Variants in ARFIP2 observed in about 807,000 individuals in gnomAD.
The protein encoded by ARFIP2 is ARF interacting protein 2, also known as arfaptin-2.
ARFIP2 carries 14 observed loss-of-function variants against 39.2 expected under a neutral mutation model. That is an observed-to-expected ratio of 0.36 (90% CI 0.24 to 0.56). ARFIP2 has a LOEUF of 0.56. Among genes scored for constraint, ARFIP2 ranks in the 20% least tolerant of loss-of-function variants. The probability of loss-of-function intolerance (pLI) is 0.85; values close to 1 mark genes in which losing one functional copy is unlikely to be tolerated. For synonymous variants in ARFIP2, 167 were observed against 172.4 expected, an observed-to-expected ratio of 0.97 and a Z score of 0.24; for missense variants, 305 against 422.5, an observed-to-expected ratio of 0.72 and a Z score of 2.44.
chr11:6,477,306 G>A lies in ARFIP2; in HGVS notation c.871-38C>T, dbSNP rs571039502. On this transcript the variant is annotated intron_variant, in intron 7 of 7. Coordinates refer to ENST00000396777, the MANE Select transcript of ARFIP2 (RefSeq NM_001376558.2). This position sits in a 1 kb window ranked among gnomAD's most constrained non-coding sequence, Gnocchi z 4.8. ...CAGGGTCAGCTAAGGCTGGACTCAGGCGCCCTTCTTGAGGGTCTATGAGCC... is the reference window on the plus strand; with the variant it reads ...CAGGGTCAGCTAAGGCTGGACTCAGACGCCCTTCTTGAGGGTCTATGAGCC... 1 of 1,598,082 alleles carries A rather than the reference G, an allele frequency of 6.3e-7. No individual in the cohort carries two copies. Among genetic ancestry groups the A allele is most frequent in the African/African-American group, 1.3e-5 (1 of 74,774 alleles).
In ARFIP2 at chr11:6,480,436, T is replaced by C. The variant is rs1040014954; in HGVS notation, c.-15A>G. 6.2e-6 allele frequency: 10 copies of C among 1,600,486 alleles called. No individual in the cohort carries two copies. The Admixed American group carries it at 8.6e-5, about 14-fold the overall frequency. On this transcript the variant is annotated 5_prime_UTR_variant, in exon 2 of 8. Transcript: ENST00000396777. ...CCGTCCGTCATGGCTAGGAAAGGTA[T>C]TGGAGTAAAACTCTCCACCCCAGCA... is the stretch of plus-strand genomic sequence containing the variant.
rs779724167 is a variant in ARFIP2 at position 6,480,413 on chromosome 11, G to A, written c.9C>T (p.Asp3=). The stretch of plus-strand genomic sequence containing the variant: ...TTGTGGCTGCCTTCCCTAGGATCCC[G>A]TCCGTCATGGCTAGGAAAGGTATTG... MT[D]GILGKAATME... is the part of the protein sequence containing the mutation. Residue 3 remains aspartate (D), a synonymous_variant, in exon 2 of 8, where the codon GAC becomes GAT. Transcript: ENST00000396777. The A allele has an allele frequency of 6.8e-6, 11 of 1,611,038 alleles. No individual in the cohort carries two copies. Among genetic ancestry groups the A allele is most frequent in the South Asian group, 1.1e-5 (1 of 90,562 alleles).
Position 6,477,694 on chromosome 11 carries a change from G to A in ARFIP2, c.870+24C>T, listed in dbSNP as rs1564983399. 18 of 1,609,510 alleles carry A rather than the reference G, an allele frequency of 1.1e-5. No individual in the cohort carries two copies. Among genetic ancestry groups the A allele is most frequent in the Non-Finnish European group, 1.5e-5 (18 of 1,177,128 alleles). On this transcript the variant is annotated intron_variant, in intron 7 of 7. Transcript: ENST00000396777. This position sits in a 1 kb window ranked among gnomAD's most constrained non-coding sequence, Gnocchi z 4.8. Reference sequence around the variant, plus strand: ...GTGTTACAGATGGAAAGGTGGGCTAGGGTCAAGGGGGTGGGGTTGGCACCT... The same window carrying A: ...GTGTTACAGATGGAAAGGTGGGCTAAGGTCAAGGGGGTGGGGTTGGCACCT...
In ARFIP2 at chr11:6,478,241, A is replaced by G; in HGVS notation, c.538-43T>C. ...GAACAGACCTTGAATAACACTCCCT[A>G]CCTGACTGAAGCTGTAGAGCCCTTC... On this transcript the variant is annotated intron_variant, in intron 5 of 7. Coordinates refer to ENST00000396777, the MANE Select transcript of ARFIP2 (RefSeq NM_001376558.2). This position sits in a 1 kb window ranked among gnomAD's most constrained non-coding sequence, Gnocchi z 4.8. The G allele has an allele frequency of 1.9e-6, 3 of 1,608,852 alleles. No homozygotes were observed. Among genetic ancestry groups the G allele is most frequent in the Non-Finnish European group, 2.6e-6 (3 of 1,176,364 alleles).
intron 3 of ARFIP2, 164 bp downstream of exon 3, chr11:6,479,808 G>A (rs911755529): frequency 8.7e-6 from 6 of 689,902 alleles, no homozygotes; most frequent in Admixed American, 2.7e-5. Context: ...GATGGACAAC[G>A]CTGGGAGTTG....
In ARFIP2 at chr11:6,477,167, G is replaced by A. The variant is rs370684963; in HGVS notation, c.972C>T (p.Asn324=). 13 of 1,612,230 alleles carry A rather than the reference G, an allele frequency of 8.1e-6. No individual in the cohort carries two copies. In the African/African-American group the frequency reaches 1.3e-4, roughly 17 times the overall value. ...KQLEQTLQQF[N]IKLRPPGAEK... ...CAGCTCCTGGAGGCCGCAGCTTGAT[G>A]TTGAACTGCTGCAGGGTCTGCTCCA... is the stretch of plus-strand genomic sequence containing the variant. The change falls in exon 8 of 8, where the codon AAC becomes AAT. Residue 324 remains asparagine, a synonymous_variant. Coordinates refer to ENST00000396777, the MANE Select transcript of ARFIP2 (RefSeq NM_001376558.2). The surrounding 1 kb of genome is among the most constrained non-coding windows in gnomAD (Gnocchi z 4.8).
In ARFIP2 at chr11:6,478,334, G is replaced by A. The variant is rs1349549526; in HGVS notation, c.538-136C>T. Reference sequence around the variant, plus strand: ...ACAACCAAGGACTGCCTCCAGCAAGGCTCTCTTAGCCGGAAAGTTAGTGGG... The same window carrying A: ...ACAACCAAGGACTGCCTCCAGCAAGACTCTCTTAGCCGGAAAGTTAGTGGG... On this transcript the variant is annotated intron_variant, in intron 5 of 7. Transcript: ENST00000396777. This position sits in a 1 kb window ranked among gnomAD's most constrained non-coding sequence, Gnocchi z 4.8. 2.5e-6 allele frequency: 3 copies of A among 1,182,270 alleles called. No individual in the cohort carries two copies. Among genetic ancestry groups the A allele is most frequent in the Non-Finnish European group, 3.6e-6 (3 of 837,444 alleles). The allele number at this position is 1,182,270 out of a possible 1,614,324, so 73.2% of individuals were successfully genotyped here.
Position 6,479,230 on chromosome 11 carries a change from G to C in ARFIP2, c.225C>G (p.Thr75=). 1 of 1,614,142 alleles carries C rather than the reference G, an allele frequency of 6.2e-7. No individual in the cohort carries two copies. Among genetic ancestry groups the C allele is most frequent in the Non-Finnish European group, 8.5e-7 (1 of 1,180,038 alleles). Residue 75 remains threonine (T), a synonymous_variant, in exon 4 of 8, where the codon ACC becomes ACG. Transcript: ENST00000396777. ...TGSGRHPSHS[T]TPSGPGDEVA... is the part of the protein sequence containing the mutation. ...CCTCATCTCCAGGGCCAGAAGGAGT[G>C]GTGCTGTGAGATGGATGGCGGCCAG...
rs747887941 is a variant in ARFIP2 at position 6,478,127 on chromosome 11, C to T, written c.609G>A (p.Val203=). ...CKNGETLLGA[V]NFFVSSINTL... ...TGTTGATGCTAGAGACAAAGAAGTTCACGGCTCCTAGCAGCGTTTCCCCAT... is the reference window on the plus strand; with the variant it reads ...TGTTGATGCTAGAGACAAAGAAGTTTACGGCTCCTAGCAGCGTTTCCCCAT... Residue 203 remains valine, a synonymous_variant, in exon 6 of 8, where the codon GTG becomes GTA. Coordinates refer to ENST00000396777, the MANE Select transcript of ARFIP2 (RefSeq NM_001376558.2). This position sits in a 1 kb window ranked among gnomAD's most constrained non-coding sequence, Gnocchi z 4.8. 26 of 1,614,082 alleles carry T rather than the reference C, an allele frequency of 1.6e-5. No homozygotes were observed. The South Asian group carries it at 2.5e-4, about 16-fold the overall frequency.
chr11:6,479,076 C>T (rs1021154893), intron 4 of ARFIP2, 64 bp downstream of exon 4: 26 of 1,588,258 alleles, frequency 1.6e-5, no homozygotes, highest in African/African-American at 2.7e-5. Flanking sequence ...ATTACGATCA[C>T]GAAGAAAAGG....
In ARFIP2 at chr11:6,478,799, T is replaced by C. The variant is rs145186482; in HGVS notation, c.476A>G (p.Gln159Arg). The C allele has an allele frequency of 5.6e-6, 9 of 1,614,040 alleles. No individual in the cohort carries two copies. In the African/African-American group the frequency reaches 1.1e-4, roughly 19 times the overall value. ...ALTAHLYSLL[Q>R]TQHALGDAFA... ...GGCATCACCCAGTGCATGCTGGGTC[T>C]GCAGCAGGCTGTAGAGGTGGGCTGT... The change falls in exon 5 of 8, where the codon CAG becomes CGG. Residue 159 changes from glutamine to arginine, a missense_variant. Physicochemically the swap from Gln to Arg is conservative, Grantham distance 43. This residue lies in a region of ARFIP2 where 151 missense variants were observed against 203.1 expected (regional missense o/e 0.74). Coordinates refer to ENST00000396777, the MANE Select transcript of ARFIP2 (RefSeq NM_001376558.2). This position sits in a 1 kb window ranked among gnomAD's most constrained non-coding sequence, Gnocchi z 4.8.
rs1338231292 is a variant in ARFIP2, at chr11:6,478,204, G to T, written c.538-6C>A. 6.2e-7 allele frequency: 1 copy of T among 1,613,812 alleles called. No homozygotes were observed. Among genetic ancestry groups the T allele is most frequent in the Admixed American group, 1.7e-5 (1 of 59,984 alleles). On this transcript the variant is annotated splice_region_variant and splice_polypyrimidine_tract_variant and intron_variant, in intron 5 of 7. Coordinates refer to ENST00000396777, the MANE Select transcript of ARFIP2 (RefSeq NM_001376558.2). The surrounding 1 kb of genome is among the most constrained non-coding windows in gnomAD (Gnocchi z 4.8). ...GCATTGTAGCCAAATTCCTCCTGAG[G>T]GCAGAAGGGAGGAACAGACCTTGAA... is the stretch of plus-strand genomic sequence containing the variant.
rs547568245 is a variant in ARFIP2 at position 6,480,634 on chromosome 11, A to C, written c.-42-171T>G. 3 of 498,108 alleles carry C rather than the reference A, an allele frequency of 6.0e-6. No individual in the cohort carries two copies. The South Asian group carries it at 8.0e-5, about 13-fold the overall frequency. 30.9% of individuals were successfully genotyped at this position (498,108 alleles called of 1,614,324 possible). A position where few individuals can be genotyped will look rare whatever the true frequency, so the allele number is the denominator to read the frequency against. ...CCCCTCCAAAACGCACATTTGAAACAGGCACACCAAAGCACGGTGTCTTCT... is the reference window on the plus strand; with the variant it reads ...CCCCTCCAAAACGCACATTTGAAACCGGCACACCAAAGCACGGTGTCTTCT... On this transcript the variant is annotated intron_variant, in intron 1 of 7. Transcript: ENST00000396777.
In ARFIP2 at chr11:6,480,461, AC is replaced by A. The variant is rs780588428; in HGVS notation, c.-41del. ...TTGGAGTAAAACTCTCCACCCCAGC[AC>A]CCTGCAAAGCCCAACACAGAAGTTC... On this transcript the variant is annotated splice_region_variant and 5_prime_UTR_variant, in exon 2 of 8. Transcript: ENST00000396777. 40 of 1,510,488 alleles carry A rather than the reference AC, an allele frequency of 2.6e-5. No individual in the cohort carries two copies. The African/African-American group carries it at 4.3e-4, about 16-fold the overall frequency. The allele number at this position is 1,510,488 out of a possible 1,614,324, so 93.6% of individuals were successfully genotyped here.
At position 6,476,869 on chromosome 11, in the gene ARFIP2, G is replaced by A; in HGVS notation, c.*244C>T. Reference sequence around the variant, plus strand: ...TTTTGTCATAGCCGTTGGCTGTGAAGTGGAAGGAAAAGATCTGGGAATGAA... The same window carrying A: ...TTTTGTCATAGCCGTTGGCTGTGAAATGGAAGGAAAAGATCTGGGAATGAA... On this transcript the variant is annotated 3_prime_UTR_variant, in exon 8 of 8. Transcript: ENST00000396777. 2.2e-6 allele frequency: 1 copy of A among 462,110 alleles called. No individual in the cohort carries two copies. Among genetic ancestry groups the A allele is most frequent in the East Asian group, 3.6e-5 (1 of 28,052 alleles). 28.6% of individuals were successfully genotyped at this position (462,110 alleles called of 1,614,324 possible).
Position 6,476,603 on chromosome 11 carries a change from G to C in ARFIP2, c.*510C>G, listed in dbSNP as rs1851089595. ...AATTAAACTGGGTGGGTGGGTGAGG[G>C]TAGGCCTATTCAGATGCAAGGCCAG... On this transcript the variant is annotated 3_prime_UTR_variant, in exon 8 of 8. Transcript: ENST00000396777. 1 of 156,388 alleles carries C rather than the reference G, an allele frequency of 6.4e-6. No individual in the cohort carries two copies. Among genetic ancestry groups the C allele is most frequent in the Admixed American group, 6.1e-5 (1 of 16,314 alleles). 9.7% of individuals were successfully genotyped at this position (156,388 alleles called of 1,614,324 possible).
Position 6,480,332 on chromosome 11 carries a change from C to T in ARFIP2, c.90G>A (p.Gly30=), listed in dbSNP as rs761641869. Residue 30 remains glycine, a synonymous_variant, in exon 2 of 8, where the codon GGG becomes GGA. Coordinates refer to ENST00000396777, the MANE Select transcript of ARFIP2 (RefSeq NM_001376558.2). ...GEARQLPEDD[G]LEQDLQQVMV... is the part of the protein sequence containing the mutation. ...AATCAAACAGAAGCACCTGCTCCAG[C>T]CCATCATCTTCAGGAAGCTGCCTGG... The T allele has an allele frequency of 6.2e-7, 1 of 1,613,190 alleles. No homozygotes were observed. The highest frequency in any genetic ancestry group is 1.7e-5 in the Admixed American group (1 of 59,954).
chr11:6,481,236 G>A lies in ARFIP2; in HGVS notation c.-48C>T. ...CCCAAGCATGTTCCTCTCACCTCGG[G>A]CCGGGCCGCTCTTCCCCTCAGGGCG... On this transcript the variant is annotated 5_prime_UTR_variant, in exon 1 of 8. Transcript: ENST00000396777. 2 of 586,434 alleles carry A rather than the reference G, an allele frequency of 3.4e-6. No individual in the cohort carries two copies. The highest frequency in any genetic ancestry group is 6.1e-6 in the Non-Finnish European group (2 of 330,448). 36.3% of individuals were successfully genotyped at this position (586,434 alleles called of 1,614,324 possible).
In ARFIP2 at chr11:6,478,484, G is replaced by A. The variant is rs1055539252; in HGVS notation, c.537+254C>T. The A allele has an allele frequency of 2.4e-5, 30 of 1,236,894 alleles. 1 individual carries two copies. The highest frequency in any genetic ancestry group is 3.0e-5 in the Non-Finnish European group (28 of 919,300). The allele number at this position is 1,236,894 out of a possible 1,614,324, so 76.6% of individuals were successfully genotyped here. ...GAGGGGCTCTGATTAGGCTGAGCAC[G>A]AAGGCATTCTCCCCAGTGCAGAGAG... On this transcript the variant is annotated intron_variant, in intron 5 of 7. Transcript: ENST00000396777. This position sits in a 1 kb window ranked among gnomAD's most constrained non-coding sequence, Gnocchi z 4.8.
Sources: gnomAD v4.1 joint callset for allele counts on GRCh38, gnomAD v4.1.1 for gene constraint, gnomAD v4.1.1 regional missense constraint, Gnocchi (gnomAD v3.1) non-coding constraint, MANE v1.5 for transcripts, NCBI Gene and HGNC (gene_info 2026-07-23, HGNC 2026-07-21) for gene names.